The following ZNF445 variants were observed in gnomAD, a reference collection of about 807,000 sequenced individuals.
The protein encoded by ZNF445 is zinc finger protein 445.
In ZNF445, 19 loss-of-function variants were observed where a neutral mutation model predicts 93.9. The ratio of observed to expected loss-of-function variants is 0.20; its 90% CI spans 0.14 to 0.30. The LOEUF (loss-of-function observed/expected upper bound fraction) is 0.30. ZNF445 is among the 10% of genes least tolerant of loss of function. The pLI, the probability that ZNF445 is intolerant of heterozygous loss-of-function variation, is 1.00. For missense variants in ZNF445, 1,058 were observed against 1,259.4 expected, an observed-to-expected ratio of 0.84 and a Z score of 2.42; for synonymous variants, 449 against 446.3, an observed-to-expected ratio of 1.01 and a Z score of -0.08.
intron 1 of ZNF445, among the ~76,000 whole-genome samples, chr3:44,468,910 T>C (rs1179736678): frequency 1.3e-5 from 2 of 148,436 alleles, no homozygotes; most frequent in East Asian, 1.9e-4. Flanking sequence ...ATTCCCATCT[T>C]GAATCAGCTC....
Position 44,438,927 on chromosome 3 carries a change from T to G in ZNF445, c.*7648A>C, listed in dbSNP as rs1575303277. On this transcript the variant is annotated 3_prime_UTR_variant, in exon 8 of 8. Transcript: ENST00000396077. Reference sequence around the variant, plus strand: ...GATATACCTAATGCTAGATGATGAGTTAGTGGGTGCAGCGCACCAGCATGG... The same window carrying G: ...GATATACCTAATGCTAGATGATGAGGTAGTGGGTGCAGCGCACCAGCATGG... 1 of 143,990 alleles carries G rather than the reference T, an allele frequency of 6.9e-6. No homozygotes were observed. Among genetic ancestry groups the G allele is most frequent in the African/African-American group, 2.6e-5 (1 of 38,986 alleles). 8.9% of individuals were successfully genotyped at this position (143,990 alleles called of 1,614,324 possible). A position where few individuals can be genotyped will look rare whatever the true frequency, so the allele number is the denominator to read the frequency against.
chr3:44,472,063 T>C (rs775005160), intron 1 of ZNF445, among the ~76,000 whole-genome samples: 9 of 151,990 alleles, frequency 5.9e-5, no homozygotes, highest in Non-Finnish European at 1.0e-4. Context: ...GAGACTTTCA[T>C]GGCCAAACTT....
intron 2 of ZNF445, among the ~76,000 whole-genome samples, chr3:44,457,120 G>C (rs1317677541): frequency 3.3e-5 from 5 of 152,160 alleles, no homozygotes; most frequent in Non-Finnish European, 4.4e-5. Context: ...CTGGGTAACA[G>C]AGCGAGACTC....
intron 1 of ZNF445, among the ~76,000 whole-genome samples, chr3:44,468,992 T>A (rs982072723): frequency 1.3e-5 from 2 of 150,068 alleles, no homozygotes; most frequent in Admixed American, 1.3e-4. Flanking sequence ...GTGCAGTGAC[T>A]CATGCCTGTA....
rs1386639584 is a variant in ZNF445 at position 44,432,982 on chromosome 3, G to A, written c.*13593C>T. 6.6e-6 allele frequency: 1 copy of A among 152,192 alleles called. No individual in the cohort carries two copies. Among genetic ancestry groups the A allele is most frequent in the African/African-American group, 2.4e-5 (1 of 41,430 alleles). The allele number at this position is 152,192 out of a possible 1,614,324, so 9.4% of individuals were successfully genotyped here. On this transcript the variant is annotated 3_prime_UTR_variant, in exon 8 of 8. Coordinates refer to ENST00000396077, the MANE Select transcript of ZNF445 (RefSeq NM_181489.6). ...AGGTTCATTTTCAGGTGGAAGTGTAGGAAGCACAGGAGATCACAGAAGACC... is the reference window on the plus strand; with the variant it reads ...AGGTTCATTTTCAGGTGGAAGTGTAAGAAGCACAGGAGATCACAGAAGACC...
intron 1 of ZNF445, among the ~76,000 whole-genome samples, chr3:44,467,759 C>T (rs1471424505): frequency 6.6e-6 from 1 of 152,034 alleles, no homozygotes; most frequent in African/African-American, 2.4e-5. Flanking sequence ...ATTTTGTAAA[C>T]AAATCAGTCC....
At position 44,433,366 on chromosome 3, in the gene ZNF445, G is replaced by GTGT. The variant is rs1420848864; in HGVS notation, c.*13206_*13208dup. 6.6e-6 allele frequency: 1 copy of GTGT among 152,258 alleles called. No individual in the cohort carries two copies. The highest frequency in any genetic ancestry group is 2.4e-5 in the African/African-American group (1 of 41,432). The allele number at this position is 152,258 out of a possible 1,614,324, so 9.4% of individuals were successfully genotyped here. A position where few individuals can be genotyped will look rare whatever the true frequency, so the allele number is the denominator to read the frequency against. On this transcript the variant is annotated 3_prime_UTR_variant, in exon 8 of 8. Transcript: ENST00000396077. ...GATCTGCCCACCTCAGCCTCCCAAA[G>GTGT]TGTTGGGATTACAGGTGTGAGCCAC...
intron 1 of ZNF445, among the ~76,000 whole-genome samples, chr3:44,463,028 TG>T (rs2125683248): frequency 6.7e-6 from 1 of 149,586 alleles, no homozygotes; most frequent in South Asian, 2.1e-4. Flanking sequence ...TGTGTGTGTG[TG>T]TGTGTGTGTG....
chr3:44,463,600 G>C (rs1236722710), intron 1 of ZNF445, among the ~76,000 whole-genome samples: 1 of 152,170 alleles, frequency 6.6e-6, no homozygotes, highest in African/African-American at 2.4e-5. Flanking sequence ...TTATGAGAGA[G>C]CTTTGGTGTG....
At chr3:44,456,372 G>A (rs539154793) in intron 2 of ZNF445, among the ~76,000 whole-genome samples, 2 of 151,962 alleles carry the variant, frequency 1.3e-5, no homozygotes, top group Non-Finnish European at 2.9e-5. Flanking sequence ...AACCAAGATC[G>A]TGCCACTGCA....
intron 1 of ZNF445, among the ~76,000 whole-genome samples, chr3:44,468,909 T>TTGA (rs57522679): frequency 0.012 from 1,845 of 152,206 alleles, 32 homozygotes; most frequent in African/African-American, 0.043. Flanking sequence ...AATTCCCATC[T>TTGA]TGAATCAGCT....
intron 1 of ZNF445, among the ~76,000 whole-genome samples, chr3:44,468,649 A>C (rs1161931459): frequency 6.6e-6 from 1 of 151,292 alleles, no homozygotes; most frequent in African/African-American, 2.4e-5. Context: ...GGCTCATCTG[A>C]TCTTGTGGCC....
In ZNF445 at chr3:44,450,452, G is replaced by C; in HGVS notation, c.815C>G (p.Ser272Cys). The C allele has an allele frequency of 6.2e-7, 1 of 1,614,106 alleles. No homozygotes were observed. The highest frequency in any genetic ancestry group is 8.5e-7 in the Non-Finnish European group (1 of 1,180,020). ...VMLENYRNMA[S>C]LVGPFTKPAL... Reference sequence around the variant, plus strand: ...TGAGGATATCGATTACTTACCCAGGGAAGCCATGTTCCTATAATTCTCCAG... The same window carrying C: ...TGAGGATATCGATTACTTACCCAGGCAAGCCATGTTCCTATAATTCTCCAG... Residue 272 changes from serine to cysteine, a missense_variant, in exon 6 of 8, where the codon TCC (serine) becomes TGC (cysteine). Around this residue, in one of 3 missense-constraint regions of ZNF445, gnomAD observed 657 missense variants for 746.4 expected, o/e 0.88. Transcript: ENST00000396077.
Position 44,449,582 on chromosome 3 carries a change from C to T in ZNF445, c.862G>A (p.Ala288Thr), listed in dbSNP as rs552718419. 5 of 1,614,176 alleles carry T rather than the reference C, an allele frequency of 3.1e-6. No individual in the cohort carries two copies. The East Asian group carries it at 8.9e-5, about 29-fold the overall frequency. Reference protein sequence around the residue: ...TKPALISWLEAREPWGLNMQA... With the variant: ...TKPALISWLETREPWGLNMQA... Reference sequence around the variant, plus strand: ...ATGTTCAGGCCCCATGGCTCCCTTGCTTCCAACCAGGAGATCAGAGCAGGT... The same window carrying T: ...ATGTTCAGGCCCCATGGCTCCCTTGTTTCCAACCAGGAGATCAGAGCAGGT... Residue 288 changes from alanine (A) to threonine (T), a missense_variant, in exon 7 of 8, where the codon GCA becomes ACA. Ala to Thr is a moderately conservative substitution (Grantham distance 58). Around this residue, in one of 3 missense-constraint regions of ZNF445, gnomAD observed 657 missense variants for 746.4 expected, o/e 0.88. Transcript: ENST00000396077.
At chr3:44,449,668 C>T (rs780077320) in intron 6 of ZNF445, 45 bp from the exon 7 acceptor site, 2 of 1,492,072 alleles carry the variant, frequency 1.3e-6, no homozygotes, top group Non-Finnish European at 1.9e-6. Context: ...ATGGATGACA[C>T]AGAACTACTC....
intron 1 of ZNF445, among the ~76,000 whole-genome samples, chr3:44,472,042 G>T (rs945288143): frequency 6.6e-6 from 1 of 152,036 alleles, no homozygotes; most frequent in Non-Finnish European, 1.5e-5. Flanking sequence ...CTGAAAAACA[G>T]AAAAAGAAGA....
At chr3:44,456,521 G>C (rs751168449) in intron 2 of ZNF445, among the ~76,000 whole-genome samples, 4 of 152,186 alleles carry the variant, frequency 2.6e-5, no homozygotes, top group Non-Finnish European at 4.4e-5. Flanking sequence ...CTGATTTCAA[G>C]ACTTATAGCT....
rs1415467692 is a variant in ZNF445, at chr3:44,435,628, C to T, written c.*10947G>A. The T allele has an allele frequency of 1.3e-5, 2 of 152,166 alleles. No homozygotes were observed. The highest frequency in any genetic ancestry group is 2.9e-5 in the Non-Finnish European group (2 of 68,032). 9.4% of individuals were successfully genotyped at this position (152,166 alleles called of 1,614,324 possible). On this transcript the variant is annotated 3_prime_UTR_variant, in exon 8 of 8. Coordinates refer to ENST00000396077, the MANE Select transcript of ZNF445 (RefSeq NM_181489.6). ...TGCTTTAATATTTTTGTGAATGAGG[C>T]AGCTCTAGTGGCTTCTACTTGGCCT...
rs143141433 is a variant in ZNF445, at chr3:44,446,801, T to C, written c.2870A>G (p.Glu957Gly). Residue 957 changes from glutamate to glycine, a missense_variant, in exon 8 of 8, where the codon GAA becomes GGA. Glu to Gly is a moderately conservative substitution (Grantham distance 98). Coordinates refer to ENST00000396077, the MANE Select transcript of ZNF445 (RefSeq NM_181489.6). This position sits in a 1 kb window ranked among gnomAD's most constrained non-coding sequence, Gnocchi z 4.2. ...SEEMPLEDCK[E>G]ACSQSSRLTG... Reference sequence around the variant, plus strand: ...GAGCCTGGAGCTCTGGCTGCAAGCTTCTTTGCAGTCTTCGAGGGGCATCTC... The same window carrying C: ...GAGCCTGGAGCTCTGGCTGCAAGCTCCTTTGCAGTCTTCGAGGGGCATCTC... 21,084 of 1,614,198 alleles carry C rather than the reference T, an allele frequency of 0.013. 152 individuals carry two copies. Among genetic ancestry groups the C allele is most frequent in the Middle Eastern group, 0.016 (99 of 6,062 alleles).
Sources: gnomAD v4.1 joint callset for allele counts (sites outside exome capture counted in the v4.1 genomes callset) on GRCh38, gnomAD v4.1.1 for gene constraint, gnomAD v4.1.1 regional missense constraint, Gnocchi (gnomAD v3.1) non-coding constraint, MANE v1.5 for transcripts, NCBI Gene and HGNC (gene_info 2026-07-23, HGNC 2026-07-21) for gene names.